The following MMD variants were observed in gnomAD, a reference collection of about 807,000 sequenced individuals.
MMD encodes monocyte to macrophage differentiation associated.
Under a neutral mutation model 33.6 loss-of-function variants are expected in MMD, and 22 were observed. That is an observed-to-expected ratio of 0.66 (90% CI 0.47 to 0.94). MMD has a LOEUF of 0.94. Among genes scored for constraint, MMD ranks in the 40% least tolerant of loss-of-function variants. The pLI, the probability that MMD is intolerant of heterozygous loss-of-function variation, is 0.00. For synonymous variants in MMD, 97 were observed against 103.2 expected (o/e 0.94, Z 0.36); for missense variants, 242 against 309.8 (o/e 0.78, Z 1.64).
intron 2 of MMD, among the ~76,000 whole-genome samples, chr17:55,412,087 C>T (rs559511191): frequency 2.6e-5 from 4 of 152,248 alleles, no homozygotes; most frequent in African/African-American, 9.6e-5. Context: ...AAAAAACAGC[C>T]AAGCATATAC....
At chr17:55,417,549 T>G (rs572782423) in intron 1 of MMD, among the ~76,000 whole-genome samples, 1 of 152,180 alleles carries the variant, frequency 6.6e-6, no homozygotes, top group South Asian at 2.1e-4. Flanking sequence ...CCAGCACTTT[T>G]GGGGAGCTGA....
chr17:55,420,917 A>G (rs905080086), intron 1 of MMD, among the ~76,000 whole-genome samples: 2 of 152,200 alleles, frequency 1.3e-5, no homozygotes, highest in Admixed American at 6.5e-5. Flanking sequence ...CACCAGCTCT[A>G]CAGTGAATGA....
At position 55,401,575 on chromosome 17, in the gene MMD, AT is replaced by A. The variant is rs781358935; in HGVS notation, c.447-38del. Reference sequence around the variant, plus strand: ...AAAATGCAGTTAATTTAACTTATAAATTTCTATAACACCTAACAATTTACAT... The same window carrying A: ...AAAATGCAGTTAATTTAACTTATAAATTCTATAACACCTAACAATTTACAT... On this transcript the variant is annotated intron_variant, in intron 5 of 6. Coordinates refer to ENST00000262065, the MANE Select transcript of MMD (RefSeq NM_012329.3). 3.3e-6 allele frequency: 5 copies of A among 1,525,910 alleles called. No individual in the cohort carries two copies. In the African/African-American group the frequency reaches 6.9e-5, roughly 21 times the overall value. 94.5% of individuals were successfully genotyped at this position (1,525,910 alleles called of 1,614,324 possible).
chr17:55,394,478 TC>T lies in MMD; in HGVS notation c.572del (p.Gly191GlufsTer81). 1 of 1,540,512 alleles carries T rather than the reference TC, an allele frequency of 6.5e-7. No individual in the cohort carries two copies. The highest frequency in any genetic ancestry group is 8.7e-7 in the Non-Finnish European group (1 of 1,148,040). On this transcript the variant is annotated frameshift_variant, in exon 7 of 7. Transcript: ENST00000262065. LOFTEE classifies it high-confidence loss of function. The stretch of plus-strand genomic sequence containing the variant: ...TGCCATCACTCTTGAAGAACACAAC[TC>T]CCAAGCAATAAATTAAGCCCCCACA... Reference protein sequence around the residue: ...LACGGLIYCLGVVFFKSDGII... With the variant: ...LACGGLIYCLXVVFFKSDGII...
chr17:55,418,209 T>C (rs574958173), intron 1 of MMD, among the ~76,000 whole-genome samples: 2 of 152,372 alleles, frequency 1.3e-5, no homozygotes, highest in African/African-American at 4.8e-5. Context: ...CAGAGCCCTA[T>C]GTCACAATTG....
intron 4 of MMD, among the ~76,000 whole-genome samples, chr17:55,406,710 C>T (rs11079172): frequency 0.13 from 19,898 of 151,810 alleles, 1,808 homozygotes; most frequent in East Asian, 0.45. Context: ...CATGGTGAAA[C>T]CCTATCTCCA....
At chr17:55,406,221 C>T (rs189431971) in intron 4 of MMD, among the ~76,000 whole-genome samples, 2 of 152,100 alleles carry the variant, frequency 1.3e-5, no homozygotes, top group Non-Finnish European at 2.9e-5. Flanking sequence ...ATGGCGAAAC[C>T]TCGTCTCTAC....
intron 6 of MMD, among the ~76,000 whole-genome samples, chr17:55,398,127 A>G (rs75803471): frequency 7.0e-6 from 1 of 143,446 alleles, no homozygotes; most frequent in Non-Finnish European, 1.6e-5. Flanking sequence ...AAAAAAAAAA[A>G]AAGAAAAGAA....
At chr17:55,415,291 AT>A (rs1448601520) in intron 1 of MMD, among the ~76,000 whole-genome samples, 1 of 151,386 alleles carries the variant, frequency 6.6e-6, no homozygotes, top group Non-Finnish European at 1.5e-5. Context: ...AAAAAAAAAA[AT>A]TTCAACAGCA....
intron 4 of MMD, among the ~76,000 whole-genome samples, 191 bp downstream of exon 4, chr17:55,407,555 C>T (rs1907603887): frequency 6.6e-6 from 1 of 152,032 alleles, no homozygotes; most frequent in African/African-American, 2.4e-5. Context: ...AATATTCTCC[C>T]CTTCAAATAT....
intron 5 of MMD, among the ~76,000 whole-genome samples, chr17:55,402,689 G>T (rs1907395645): frequency 6.6e-6 from 1 of 152,194 alleles, no homozygotes; most frequent in Non-Finnish European, 1.5e-5. Context: ...GGGAAAAGGA[G>T]AAAAGATAGT....
chr17:55,403,646 C>T (rs1907431411), intron 5 of MMD, 121 bp downstream of exon 5: 1 of 604,874 alleles, frequency 1.7e-6, no homozygotes, highest in Non-Finnish European at 2.7e-6. Context: ...TTAAAAATAA[C>T]ATATTCTATA....
chr17:55,418,843 G>C (rs1908069200), intron 1 of MMD, among the ~76,000 whole-genome samples: 1 of 152,216 alleles, frequency 6.6e-6, no homozygotes, highest in Non-Finnish European at 1.5e-5. Context: ...CTAGCTGCAT[G>C]ATCATGAGGT....
At chr17:55,416,738 C>G (rs1907981632) in intron 1 of MMD, among the ~76,000 whole-genome samples, 1 of 152,124 alleles carries the variant, frequency 6.6e-6, no homozygotes, top group Non-Finnish European at 1.5e-5. Context: ...GGGAAAGGTT[C>G]AAGTGCTGGT....
At chr17:55,404,842 A>G in intron 4 of MMD, 1 of 779,310 alleles carries the variant, frequency 1.3e-6, no homozygotes, top group Non-Finnish European at 1.6e-6. Context: ...CAGGCAGATC[A>G]CTTCAGGTCA....
chr17:55,406,401 C>G (rs1907545254), intron 4 of MMD, among the ~76,000 whole-genome samples: 1 of 151,640 alleles, frequency 6.6e-6, no homozygotes. Context: ...CTCAAAAAAC[C>G]AACAAACAAA....
At position 55,418,208 on chromosome 17, in the gene MMD, A is replaced by G. The variant is rs202130910; in HGVS notation, c.26+3462T>C. On this transcript the variant is annotated intron_variant, in intron 1 of 6. Transcript: ENST00000262065. ...ACCCTCCCCATCCAACCAGAGCCCT[A>G]TGTCACAATTGGTAAGACTTTGATT... is the stretch of plus-strand genomic sequence containing the variant. Among the ~76,000 whole-genome samples, 3 of 152,316 alleles carry G rather than the reference A, an allele frequency of 2.0e-5. No homozygotes were observed. In the East Asian group the frequency reaches 5.8e-4, roughly 29 times the overall value.
At chr17:55,411,825 C>T (rs1014817792) in intron 2 of MMD, among the ~76,000 whole-genome samples, 1 of 152,038 alleles carries the variant, frequency 6.6e-6, no homozygotes. Context: ...GACTGTAATC[C>T]CAGCACTTTG....
intron 2 of MMD, among the ~76,000 whole-genome samples, chr17:55,413,385 A>G (rs751990104): frequency 1.3e-5 from 2 of 152,196 alleles, no homozygotes; most frequent in Non-Finnish European, 2.9e-5. Context: ...ATGACATAAG[A>G]AATGCCATTA....
Sources: allele counts gnomAD v4.1 joint callset (sites outside exome capture counted in the v4.1 genomes callset), GRCh38; gene constraint gnomAD v4.1.1; transcripts MANE v1.5; gene names NCBI Gene and HGNC (gene_info 2026-07-23, HGNC 2026-07-21).